NSF: variants seen among roughly 807,000 people sequenced by gnomAD.
NSF encodes N-ethylmaleimide sensitive factor, vesicle fusing ATPase.
Under a neutral mutation model 50.3 loss-of-function variants are expected in NSF, and 14 were observed. That is an observed-to-expected ratio of 0.28 (90% CI 0.18 to 0.44). The LOEUF (loss-of-function observed/expected upper bound fraction) is 0.44, where lower values mean the gene tolerates loss of function less well. NSF is among the 20% of genes least tolerant of loss of function. The pLI is 1.00. For synonymous variants in NSF, 109 were observed against 175.7 expected (o/e 0.62, Z 3.00); for missense variants, 218 against 504.3 (o/e 0.43, Z 5.44).
chr17:46,710,536 C>T (rs890133559), intron 13 of NSF, among the ~76,000 whole-genome samples: 2 of 152,188 alleles, frequency 1.3e-5, no homozygotes, highest in Non-Finnish European at 2.9e-5. Context: ...TTCGTATTCT[C>T]ATGTTAATCC....
chr17:46,710,940 T>A, intron 13 of NSF, 23 bp from the exon 14 acceptor site: 1 of 1,568,412 alleles, frequency 6.4e-7, no homozygotes, highest in Non-Finnish European at 8.6e-7. Context: ...CTCAAAATGC[T>A]TTAGACTCCT....
chr17:46,736,656 C>T (rs763133699), intron 17 of NSF, among the ~76,000 whole-genome samples: 3 of 152,166 alleles, frequency 2.0e-5, no homozygotes, highest in Non-Finnish European at 4.4e-5. Flanking sequence ...TTTAACTTAG[C>T]AGTATAACTG....
intron 12 of NSF, among the ~76,000 whole-genome samples, 162 bp from the exon 13 acceptor site, chr17:46,704,597 A>G (rs984613792): frequency 6.7e-6 from 1 of 149,664 alleles, no homozygotes; most frequent in African/African-American, 2.5e-5. Flanking sequence ...TGTATTCTGG[A>G]TATTAATCCC....
intron 13 of NSF, among the ~76,000 whole-genome samples, chr17:46,707,304 G>A (rs547649713): frequency 6.6e-6 from 1 of 152,120 alleles, no homozygotes; most frequent in African/African-American, 2.4e-5. Context: ...TCTTTTGCCT[G>A]TTTTTCTGTT....
intron 19 of NSF, among the ~76,000 whole-genome samples, chr17:46,754,306 G>T (rs1436121220): frequency 6.6e-6 from 1 of 150,666 alleles, no homozygotes; most frequent in Non-Finnish European, 1.5e-5. Context: ...TCTGTTCAGT[G>T]TTTTTCTGGG....
chr17:46,708,902 G>C (rs1178092175), intron 13 of NSF, among the ~76,000 whole-genome samples: 1 of 140,128 alleles, frequency 7.1e-6, no homozygotes, highest in African/African-American at 2.7e-5. Flanking sequence ...TTGGCTTACT[G>C]CAACCTCCGC....
intron 9 of NSF, among the ~76,000 whole-genome samples, chr17:46,681,800 G>A (rs2058460901): frequency 2.1e-5 from 1 of 48,080 alleles, no homozygotes; most frequent in Admixed American, 2.4e-4. Context: ...GTTCTAGCAG[G>A]TGTGGGTCTT....
intron 1 of NSF, among the ~76,000 whole-genome samples, chr17:46,595,492 C>CT (rs1189885490): frequency 0.016 from 1,545 of 95,930 alleles, 43 homozygotes; most frequent in Admixed American, 0.049. Flanking sequence ...ATCACTGGAT[C>CT]TTTTTTTTTT....
intron 14 of NSF, among the ~76,000 whole-genome samples, chr17:46,712,477 G>A (rs2058729487): frequency 6.6e-6 from 1 of 152,148 alleles, no homozygotes; most frequent in Non-Finnish European, 1.5e-5. Context: ...CCCGATAAAT[G>A]GTGCTGTTTA....
chr17:46,631,448 AGTG>A (rs1170491750), intron 4 of NSF, among the ~76,000 whole-genome samples: 1 of 143,930 alleles, frequency 6.9e-6, no homozygotes, highest in East Asian at 2.1e-4. Context: ...GACCTCCCAG[AGTG>A]GTGGGATTAC....
intron 15 of NSF, among the ~76,000 whole-genome samples, chr17:46,714,971 G>A (rs1381095062): frequency 6.6e-6 from 1 of 152,170 alleles, no homozygotes; most frequent in African/African-American, 2.4e-5. Context: ...GAATTCTTCG[G>A]TGTTTCTTTG....
chr17:46,712,160 A>T (rs962207073), intron 14 of NSF, among the ~76,000 whole-genome samples: 4 of 152,198 alleles, frequency 2.6e-5, no homozygotes, highest in Non-Finnish European at 5.9e-5. Context: ...TGTGGTTTGA[A>T]GTATGTGGAG....
intron 15 of NSF, among the ~76,000 whole-genome samples, chr17:46,716,084 A>C (rs1034599462): frequency 6.6e-6 from 1 of 152,240 alleles, no homozygotes; most frequent in African/African-American, 2.4e-5. Context: ...GAAATATTAC[A>C]AAATATTTCC....
chr17:46,600,016 G>A (rs2057903537), intron 1 of NSF, among the ~76,000 whole-genome samples: 1 of 59,442 alleles, frequency 1.7e-5, no homozygotes, highest in South Asian at 6.5e-4. Context: ...GGAGTGCAGT[G>A]GCGCAGTCAT....
rs750393928 is a variant in NSF at position 46,741,701 on chromosome 17, GTCGAT to G, written c.1909-8071_1909-8067del. On this transcript the variant is annotated intron_variant, in intron 17 of 20. Coordinates refer to ENST00000398238, the MANE Select transcript of NSF (RefSeq NM_006178.4). ...TTGTCTCTGGTTGCTTTTAATGGTA[GTCGAT>G]CTTTTCCCTTGGTTTGGGGAAACCA... 7.9e-5 allele frequency among the ~76,000 whole-genome samples: 12 copies of G among 152,322 alleles called. No homozygotes were observed. In the East Asian group the frequency reaches 9.6e-4, roughly 12 times the overall value.
In NSF at chr17:46,713,861, C is replaced by T; in HGVS notation, c.1636C>T (p.His546Tyr). 6.2e-7 allele frequency: 1 copy of T among 1,611,362 alleles called. No homozygotes were observed. The highest frequency in any genetic ancestry group is 8.5e-7 in the Non-Finnish European group (1 of 1,179,360). ...LVSVLLEGPP[H>Y]SGKTALAAKI... is the part of the protein sequence containing the mutation. ...CTCATATCTTTATGCAGGCCCTCCTCACAGTGGGAAGACTGCTTTAGCTGC... is the reference window on the plus strand; with the variant it reads ...CTCATATCTTTATGCAGGCCCTCCTTACAGTGGGAAGACTGCTTTAGCTGC... The change falls in exon 15 of 21, where the codon CAC (histidine) becomes TAC (tyrosine). Residue 546 changes from histidine (H) to tyrosine (Y), a missense_variant. Transcript: ENST00000398238.
At chr17:46,716,083 C>T (rs2058765865) in intron 15 of NSF, among the ~76,000 whole-genome samples, 1 of 152,124 alleles carries the variant, frequency 6.6e-6, no homozygotes, top group Non-Finnish European at 1.5e-5. Flanking sequence ...AGAAATATTA[C>T]AAAATATTTC....
At chr17:46,725,425 TTGACC>T (rs1390644262) in intron 15 of NSF, among the ~76,000 whole-genome samples, 1 of 152,028 alleles carries the variant, frequency 6.6e-6, no homozygotes, top group African/African-American at 2.4e-5. Flanking sequence ...ACCAGAGGGG[TTGACC>T]TGATTAAATA....
At chr17:46,751,861 C>G (rs1329209168) in intron 19 of NSF, among the ~76,000 whole-genome samples, 1 of 152,202 alleles carries the variant, frequency 6.6e-6, no homozygotes, top group African/African-American at 2.4e-5. Context: ...TAGGGAGCCA[C>G]TAGGTCTTAG....
Sources: allele counts gnomAD v4.1 joint callset (sites outside exome capture counted in the v4.1 genomes callset), GRCh38; gene constraint gnomAD v4.1.1; transcripts MANE v1.5; gene names NCBI Gene and HGNC (gene_info 2026-07-23, HGNC 2026-07-21).